Variants in CCDC30 observed in about 807,000 individuals in gnomAD.
CCDC30 encodes the protein coiled-coil domain-containing protein 30.
A neutral mutation model predicts 100.2 loss-of-function variants in CCDC30; 70 were observed. The ratio of observed to expected loss-of-function variants is 0.70; its 90% CI spans 0.58 to 0.85. The LOEUF (loss-of-function observed/expected upper bound fraction) is 0.85. CCDC30 is among the 40% of genes least tolerant of loss of function. The probability of loss-of-function intolerance (pLI) is 0.00; values close to 1 mark genes in which losing one functional copy is unlikely to be tolerated. For synonymous variants in CCDC30, 233 were observed against 269.5 expected, an observed-to-expected ratio of 0.86 and a Z score of 1.33; for missense variants, 652 against 771.2, an observed-to-expected ratio of 0.85 and a Z score of 1.83.
At chr1:42,655,455 G>T (rs1648625104), downstream of CCDC30, among the ~76,000 whole-genome samples, 1 of 152,116 alleles carries the variant, frequency 6.6e-6, no homozygotes, top group African/African-American at 2.4e-5. Flanking sequence ...GCTGAGGCAG[G>T]AGAATCACTT....
upstream of CCDC30, chr1:42,459,171 T>C (rs1407712241): frequency 1.3e-5 from 2 of 149,672 alleles, no homozygotes; most frequent in East Asian, 3.9e-4. Flanking sequence ...TTTTTTTTTT[T>C]TTTTTTTGTG....
At chr1:42,469,405 C>A (rs1354121951) in intron 1 of CCDC30, among the ~76,000 whole-genome samples, 1 of 151,992 alleles carries the variant, frequency 6.6e-6, no homozygotes, top group Non-Finnish European at 1.5e-5. Context: ...CAAAATGCAG[C>A]AAGTGTAAGA....
At chr1:42,624,765 C>T (rs1646901830) in intron 11 of CCDC30, among the ~76,000 whole-genome samples, 1 of 152,166 alleles carries the variant, frequency 6.6e-6, no homozygotes, top group Non-Finnish European at 1.5e-5. Context: ...AGACATGAGT[C>T]CACTGCATAC....
At chr1:42,535,816 C>T (rs1362994140) in intron 6 of CCDC30, among the ~76,000 whole-genome samples, 2 of 137,166 alleles carry the variant, frequency 1.5e-5, no homozygotes, top group South Asian at 2.3e-4. Context: ...TGTTGTGTTC[C>T]TAAGTTGTAT....
intron 11 of CCDC30, among the ~76,000 whole-genome samples, chr1:42,630,503 C>G (rs959341933): frequency 6.6e-6 from 1 of 151,920 alleles, no homozygotes; most frequent in Non-Finnish European, 1.5e-5. Flanking sequence ...CTACCTCGAC[C>G]TCCTGAGTAG....
chr1:42,528,775 G>A (rs1186468071), intron 6 of CCDC30, among the ~76,000 whole-genome samples: 2 of 152,188 alleles, frequency 1.3e-5, no homozygotes, highest in African/African-American at 4.8e-5. Context: ...ATGGCTGTCT[G>A]TATCGTAGAA....
intron 6 of CCDC30, among the ~76,000 whole-genome samples, chr1:42,532,046 C>T (rs1296347171): frequency 6.6e-6 from 1 of 151,730 alleles, no homozygotes; most frequent in Non-Finnish European, 1.5e-5. Context: ...AATCCTAGCA[C>T]TTCGGGAGGC....
At chr1:42,595,580 A>G (rs1364480286) in intron 10 of CCDC30, 1 of 152,212 alleles carries the variant, frequency 6.6e-6, no homozygotes, top group Non-Finnish European at 1.5e-5. Flanking sequence ...AAAACAAAAG[A>G]TAAAGCAAAT....
intron 7 of CCDC30, among the ~76,000 whole-genome samples, chr1:42,568,606 C>A (rs1459693745): frequency 6.6e-6 from 1 of 152,032 alleles, no homozygotes; most frequent in Non-Finnish European, 1.5e-5. Flanking sequence ...GGAACCTCAG[C>A]TTTACAAACT....
At chr1:42,621,646 G>A (rs1047636320) in intron 11 of CCDC30, among the ~76,000 whole-genome samples, 1 of 152,114 alleles carries the variant, frequency 6.6e-6, no homozygotes, top group East Asian at 1.9e-4. Flanking sequence ...GGAGTAGCTA[G>A]GACTACAGGC....
intron 10 of CCDC30, among the ~76,000 whole-genome samples, chr1:42,599,415 T>C (rs967667582): frequency 6.6e-6 from 1 of 152,140 alleles, no homozygotes; most frequent in African/African-American, 2.4e-5. Flanking sequence ...GTACAACTGA[T>C]ACCCTAAGAA....
At chr1:42,602,049 G>C (rs1330992385) in intron 10 of CCDC30, among the ~76,000 whole-genome samples, 1 of 151,988 alleles carries the variant, frequency 6.6e-6, no homozygotes, top group Non-Finnish European at 1.5e-5. Context: ...CTGAAAAATG[G>C]ACTAAAGGCT....
chr1:42,623,591 A>G (rs1646879872), intron 11 of CCDC30, among the ~76,000 whole-genome samples: 1 of 152,152 alleles, frequency 6.6e-6, no homozygotes, highest in Non-Finnish European at 1.5e-5. Context: ...CTATTGGTCT[A>G]TGTGTCTATT....
intron 6 of CCDC30, among the ~76,000 whole-genome samples, chr1:42,552,935 G>T (rs1476711905): frequency 6.6e-6 from 1 of 151,936 alleles, no homozygotes; most frequent in Non-Finnish European, 1.5e-5. Context: ...TTTATTATTC[G>T]GCAGGGATAA....
At chr1:42,623,541 T>C (rs1020454254) in intron 11 of CCDC30, among the ~76,000 whole-genome samples, 2 of 152,200 alleles carry the variant, frequency 1.3e-5, no homozygotes, top group African/African-American at 4.8e-5. Flanking sequence ...ATGAGTTCAC[T>C]GTAGGTGTGT....
chr1:42,459,335 G>A, upstream of CCDC30: 1 of 394,572 alleles, frequency 2.5e-6, no homozygotes, highest in Non-Finnish European at 4.6e-6. Context: ...GCTAATTTTT[G>A]TATTTTTTTG....
chr1:42,530,462 A>G lies in CCDC30; in HGVS notation c.456+31546A>G, dbSNP rs572301636. ...GGTTCCACATCTCCCAATTCAACCA[A>G]TCATGAGTTGAAAATATTAAAATAA... On this transcript the variant is annotated intron_variant, in intron 6 of 16. Transcript: ENST00000668663. Among the ~76,000 whole-genome samples, 113 of 152,286 alleles carry G rather than the reference A, an allele frequency of 7.4e-4. 1 individual carries two copies. Among genetic ancestry groups the G allele is most frequent in the African/African-American group, 2.7e-3 (113 of 41,556 alleles).
chr1:42,495,545 A>G (rs1383320473), intron 4 of CCDC30, among the ~76,000 whole-genome samples: 1 of 148,126 alleles, frequency 6.8e-6, no homozygotes, highest in African/African-American at 2.5e-5. Flanking sequence ...AAAAAAAAAA[A>G]TTAGCCAGGT....
At chr1:42,598,024 A>G (rs1646326871) in intron 10 of CCDC30, among the ~76,000 whole-genome samples, 1 of 151,896 alleles carries the variant, frequency 6.6e-6, no homozygotes, top group South Asian at 2.1e-4. Flanking sequence ...AACCTTAGCC[A>G]GGTGTGGTGG....
Sources: gnomAD v4.1 joint callset for allele counts (sites outside exome capture counted in the v4.1 genomes callset) on GRCh38, gnomAD v4.1.1 for gene constraint, MANE v1.5 for transcripts, NCBI Gene and HGNC (gene_info 2026-07-23, HGNC 2026-07-21) for gene names.